Variants in TROAP observed in about 807,000 individuals in gnomAD.
The protein encoded by TROAP is trophinin associated protein.
In TROAP, 62 loss-of-function variants were observed where a neutral mutation model predicts 83.4. The observed-to-expected ratio is 0.74, with a 90% CI of 0.61 to 0.92. The LOEUF (loss-of-function observed/expected upper bound fraction) is 0.92, where lower values mean the gene tolerates loss of function less well. TROAP is among the 40% of genes least tolerant of loss of function. TROAP has a pLI of 0.00. For missense variants in TROAP, 876 were observed against 985.1 expected (o/e 0.89, Z 1.48); for synonymous variants, 352 against 386.4 (o/e 0.91, Z 1.04).
chr12:49,324,909 CTTTTTTTTTT>C (rs891098022), intron 3 of TROAP, among the ~76,000 whole-genome samples: 1 of 112,552 alleles, frequency 8.9e-6, no homozygotes, highest in African/African-American at 3.5e-5. Flanking sequence ...TGTTTTCTTT[CTTTTTTTTTT>C]TTTTTTTTTT....
Position 49,323,865 on chromosome 12 carries a change from G to A in TROAP, c.165G>A (p.Pro55=). ...QDPRRWVQKP[P]LNIQRPLVDS... is the part of the protein sequence containing the mutation. ...CCTAGAGATGGGTGCAGAAACCACC[G>A]CTCAATATTCAACGCCCCCTCGTTG... Residue 55 remains proline (P), a synonymous_variant, in exon 3 of 15, where the codon CCG becomes CCA. Coordinates refer to ENST00000257909, the MANE Select transcript of TROAP (RefSeq NM_005480.4). The A allele has an allele frequency of 2.5e-6, 4 of 1,613,950 alleles. No homozygotes were observed. The highest frequency in any genetic ancestry group is 3.4e-6 in the Non-Finnish European group (4 of 1,180,028).
rs2137071637 is a variant in TROAP at position 49,329,104 on chromosome 12, GAGAT to G, written c.1020+50_1020+53del. The G allele has an allele frequency of 1.9e-6, 3 of 1,614,032 alleles. No homozygotes were observed. The highest frequency in any genetic ancestry group is 2.5e-6 in the Non-Finnish European group (3 of 1,179,962). On this transcript the variant is annotated intron_variant, in intron 9 of 14. Transcript: ENST00000257909. This position sits in a 1 kb window ranked among gnomAD's most constrained non-coding sequence, Gnocchi z 4.5. ...GGGCAGGGGCAGAACAGTCTGGCCG[GAGAT>G]CCTTGCTATGTCTGGGTTTTGTCCC...
intron 3 of TROAP, among the ~76,000 whole-genome samples, chr12:49,324,895 TTTTTG>T: frequency 6.7e-6 from 1 of 149,456 alleles, no homozygotes; most frequent in South Asian, 2.1e-4. Flanking sequence ...ACCCAGCTAA[TTTTTG>T]TTTTCTTTCT....
At position 49,329,839 on chromosome 12, in the gene TROAP, C is replaced by T. The variant is rs756121875; in HGVS notation, c.1165-18C>T. ...GCCCCAGCCTGGCTTGCTTGTGTGC[C>T]TTGTTCCTTGGTGACAGGAGCAGGT... On this transcript the variant is annotated intron_variant, in intron 11 of 14. Coordinates refer to ENST00000257909, the MANE Select transcript of TROAP (RefSeq NM_005480.4). The surrounding 1 kb of genome is among the most constrained non-coding windows in gnomAD (Gnocchi z 4.5). 2 of 1,612,796 alleles carry T rather than the reference C, an allele frequency of 1.2e-6. No individual in the cohort carries two copies. Among genetic ancestry groups the T allele is most frequent in the Non-Finnish European group, 1.7e-6 (2 of 1,179,210 alleles).
chr12:49,327,114 T>C, intron 7 of TROAP, 95 bp from the exon 8 acceptor site: 2 of 1,515,618 alleles, frequency 1.3e-6, no homozygotes, highest in Admixed American at 3.6e-5. Context: ...ATGGGGCCTA[T>C]TAAACTAATA....
chr12:49,325,450 C>T (rs770853043), intron 3 of TROAP, 51 bp from the exon 4 acceptor site: 2 of 1,575,404 alleles, frequency 1.3e-6, no homozygotes, highest in South Asian at 2.3e-5. Context: ...GCTAGGGGCC[C>T]TATCCCCCTC....
At chr12:49,324,431 C>T in intron 3 of TROAP, 1 of 441,980 alleles carries the variant, frequency 2.3e-6, no homozygotes, top group Non-Finnish European at 3.9e-6. Flanking sequence ...GCTCTGTGTT[C>T]TCCTAATACT....
At chr12:49,328,062 A>C (rs1203233396) in intron 8 of TROAP, among the ~76,000 whole-genome samples, 1 of 151,948 alleles carries the variant, frequency 6.6e-6, no homozygotes, top group Non-Finnish European at 1.5e-5. Context: ...GAAGCAGAGT[A>C]AGAAGAACAG....
In TROAP at chr12:49,329,377, A is replaced by G. The variant is rs1320524431; in HGVS notation, c.1105-18A>G. On this transcript the variant is annotated intron_variant, in intron 10 of 14. Transcript: ENST00000257909. This position sits in a 1 kb window ranked among gnomAD's most constrained non-coding sequence, Gnocchi z 4.5. ...TCTGTGGGTGTCAGCCCTTGCTGAC[A>G]TCTCACTTCTGTGCCAGGCCCAGTG... 1 of 1,613,198 alleles carries G rather than the reference A, an allele frequency of 6.2e-7. No individual in the cohort carries two copies. The highest frequency in any genetic ancestry group is 1.1e-5 in the South Asian group (1 of 90,942).
At position 49,329,360 on chromosome 12, in the gene TROAP, T is replaced by C; in HGVS notation, c.1105-35T>C. ...GGGGAGGCTGAGTGCCATCTGTGGG[T>C]GTCAGCCCTTGCTGACATCTCACTT... On this transcript the variant is annotated intron_variant, in intron 10 of 14. Transcript: ENST00000257909. This position sits in a 1 kb window ranked among gnomAD's most constrained non-coding sequence, Gnocchi z 4.5. 6.2e-7 allele frequency: 1 copy of C among 1,613,220 alleles called. No individual in the cohort carries two copies. Among genetic ancestry groups the C allele is most frequent in the South Asian group, 1.1e-5 (1 of 90,970 alleles).
At chr12:49,324,220 C>G (rs1420477609) in intron 3 of TROAP, 183 bp downstream of exon 3, 1 of 1,613,102 alleles carries the variant, frequency 6.2e-7, no homozygotes, top group African/African-American at 1.3e-5. Flanking sequence ...AGCAAAATGT[C>G]ATCTCGCCAG....
At chr12:49,326,872 A>T in intron 7 of TROAP, 152 bp downstream of exon 7, 1 of 856,946 alleles carries the variant, frequency 1.2e-6, no homozygotes, top group Non-Finnish European at 1.8e-6. Context: ...GAGACCTTCT[A>T]GATAGGCCAG....
rs530806755 is a variant in TROAP, at chr12:49,330,894, C to T, written c.2049C>T (p.Ser683=). 2 of 1,612,666 alleles carry T rather than the reference C, an allele frequency of 1.2e-6. No homozygotes were observed. The highest frequency in any genetic ancestry group is 2.2e-5 in the South Asian group (2 of 91,068). The part of the protein sequence containing the change: ...IFSSQHPLCA[S]PPICSLQSLR... ...CTTCCCAACACCCGCTTTGTGCCAGCCCCCCTATCTGCTCACTCCAGTCTT... is the reference window on the plus strand; with the variant it reads ...CTTCCCAACACCCGCTTTGTGCCAGTCCCCCTATCTGCTCACTCCAGTCTT... The change falls in exon 13 of 15, where the codon AGC becomes AGT. Residue 683 remains serine (S), a synonymous_variant. Transcript: ENST00000257909.
rs1565668952 is a variant in TROAP at position 49,325,516 on chromosome 12, T to G, written c.353T>G (p.Ile118Arg). ...PPAQTEAPGTIEFVADPAALA... is the reference protein window; with the variant it reads ...PPAQTEAPGTREFVADPAALA... ...TTCCTTGCAGAGGCTCCAGGGACCA[T>G]AGAGTTTGTGGCTGACCCTGCAGCC... The change falls in exon 4 of 15, where the codon ATA (isoleucine) becomes AGA (arginine). Residue 118 changes from isoleucine (I) to arginine (R), a missense_variant. Transcript: ENST00000257909. 3 of 1,613,676 alleles carry G rather than the reference T, an allele frequency of 1.9e-6. No individual in the cohort carries two copies. The highest frequency in any genetic ancestry group is 2.5e-6 in the Non-Finnish European group (3 of 1,179,926).
intron 3 of TROAP, 134 bp from the exon 4 acceptor site, chr12:49,325,366 TA>T (rs541818565): frequency 0.22 from 165,178 of 750,910 alleles, 29 homozygotes; most frequent in East Asian, 0.29. Context: ...ATCTATTTCT[TA>T]AAAAAAAAAA....
Position 49,323,305 on chromosome 12 carries a change from A to G in TROAP, c.-50A>G. 1 of 327,992 alleles carries G rather than the reference A, an allele frequency of 3.0e-6. No individual in the cohort carries two copies. The allele number at this position is 327,992 out of a possible 1,614,324, so 20.3% of individuals were successfully genotyped here. A position where few individuals can be genotyped will look rare whatever the true frequency, so the allele number is the denominator to read the frequency against. On this transcript the variant is annotated 5_prime_UTR_variant, in exon 1 of 15. Transcript: ENST00000257909. ...TCCAGCAGCACCCGAGAGGGTCAGG[A>G]GAAAAGCGGAGGAAGCTGGGTAGGC...
intron 2 of TROAP, 45 bp downstream of exon 2, chr12:49,323,797 G>A (rs1245934175): frequency 6.2e-7 from 1 of 1,613,944 alleles, no homozygotes; most frequent in Non-Finnish European, 8.5e-7. Flanking sequence ...CACCAGTAAT[G>A]CACCCCAACA....
intron 12 of TROAP, 21 bp from the exon 13 acceptor site, chr12:49,330,124 G>A: frequency 2.5e-6 from 4 of 1,611,084 alleles, no homozygotes; most frequent in Non-Finnish European, 3.4e-6. Context: ...TGTCACACTG[G>A]GGTGCTCTCT....
chr12:49,330,327 G>A lies in TROAP; in HGVS notation c.1482G>A (p.Leu494=), dbSNP rs773175360. Residue 494 remains leucine, a synonymous_variant, in exon 13 of 15, where the codon CTG becomes CTA. Transcript: ENST00000257909. ...HNSGTSHLPG[L]LKHSGLPKPC... is the part of the protein sequence containing the mutation. Reference sequence around the variant, plus strand: ...CTGGGACTTCCCACCTTCCTGGACTGTTAAAACACTCAGGGCTGCCAAAGC... The same window carrying A: ...CTGGGACTTCCCACCTTCCTGGACTATTAAAACACTCAGGGCTGCCAAAGC... 1.2e-6 allele frequency: 2 copies of A among 1,614,034 alleles called. No individual in the cohort carries two copies. Among genetic ancestry groups the A allele is most frequent in the Non-Finnish European group, 8.5e-7 (1 of 1,180,004 alleles).
Sources: gnomAD v4.1 joint callset for allele counts (sites outside exome capture counted in the v4.1 genomes callset) on GRCh38, gnomAD v4.1.1 for gene constraint, Gnocchi (gnomAD v3.1) non-coding constraint, MANE v1.5 for transcripts, NCBI Gene and HGNC (gene_info 2026-07-23, HGNC 2026-07-21) for gene names.